Variants in AKAP6 observed in about 807,000 individuals in gnomAD.
The protein encoded by AKAP6 is A-kinase anchoring protein 6.
Under a neutral mutation model 188.5 loss-of-function variants are expected in AKAP6, and 58 were observed. The ratio of observed to expected loss-of-function variants is 0.31; its 90% confidence interval spans 0.25 to 0.38. AKAP6 has a LOEUF of 0.38. Ranked by LOEUF, AKAP6 falls within the 10% of genes least tolerant of loss-of-function variation. AKAP6 has a pLI of 1.00. For missense variants in AKAP6, 2,710 were observed against 2,740.0 expected (o/e 0.99, Z 0.24); for synonymous variants, 989 against 998.6 (o/e 0.99, Z 0.18).
At chr14:32,370,317 T>C (rs1012704905) in intron 1 of AKAP6, among the ~76,000 whole-genome samples, 1 of 152,240 alleles carries the variant, frequency 6.6e-6, no homozygotes, top group African/African-American at 2.4e-5. Flanking sequence ...GCTTTCTTGG[T>C]CCTTAGCCAC....
chr14:32,733,138 T>C (rs2031260576), intron 10 of AKAP6: 1 of 155,290 alleles, frequency 6.4e-6, no homozygotes, highest in African/African-American at 2.4e-5. Flanking sequence ...CAGCTCACTT[T>C]TAACAAAAGC....
chr14:32,612,969 G>T (rs78712041), intron 7 of AKAP6, among the ~76,000 whole-genome samples: 256 of 152,250 alleles, frequency 1.7e-3, no homozygotes, highest in Admixed American at 3.1e-3. Context: ...TATTTGAATC[G>T]CTATCAAAGT....
intron 7 of AKAP6, 136 bp from the exon 8 acceptor site, chr14:32,678,175 C>A: frequency 1.2e-6 from 1 of 839,686 alleles, no homozygotes; most frequent in Non-Finnish European, 1.8e-6. Flanking sequence ...ATATGCCCAA[C>A]TGATCCCATT....
intron 7 of AKAP6, among the ~76,000 whole-genome samples, chr14:32,646,974 T>C (rs1422876951): frequency 1.3e-5 from 2 of 152,136 alleles, no homozygotes; most frequent in Non-Finnish European, 2.9e-5. Flanking sequence ...TTAAAGTTCA[T>C]AGGAAAGGCA....
intron 2 of AKAP6, among the ~76,000 whole-genome samples, chr14:32,504,279 G>A (rs1416439861): frequency 6.6e-6 from 1 of 151,810 alleles, no homozygotes; most frequent in Admixed American, 6.6e-5. Flanking sequence ...TTTTTTTGTT[G>A]TTTGTTTTGT....
rs1425734763 is a variant in AKAP6 at position 32,823,009 on chromosome 14, C to A, written c.5196C>A (p.Val1732=). 1 of 1,613,726 alleles carries A rather than the reference C, an allele frequency of 6.2e-7. No individual in the cohort carries two copies. Among genetic ancestry groups the A allele is most frequent in the African/African-American group, 1.3e-5 (1 of 74,876 alleles). ...LTRSVADESD[V]NVSMIVNVSC... ...GTTCAGTGGCTGATGAAAGCGATGT[C>A]AATGTCAGCATGATTGTTAATGTCT... The change falls in exon 13 of 14, where the codon GTC becomes GTA. Residue 1732 remains valine, a synonymous_variant. Transcript: ENST00000280979.
chr14:32,686,764 C>T (rs1889942479), intron 8 of AKAP6, among the ~76,000 whole-genome samples: 1 of 152,082 alleles, frequency 6.6e-6, no homozygotes, highest in South Asian at 2.1e-4. Flanking sequence ...TGATTTCTGA[C>T]TCTGCTTCCT....
chr14:32,617,343 C>A (rs1886622081), intron 7 of AKAP6, among the ~76,000 whole-genome samples: 1 of 109,554 alleles, frequency 9.1e-6, no homozygotes, highest in Admixed American at 9.0e-5. Context: ...TGTCTGCCAC[C>A]CAGTAGCCAT....
chr14:32,753,106 A>AT (rs1285389635), intron 11 of AKAP6, among the ~76,000 whole-genome samples: 2 of 152,046 alleles, frequency 1.3e-5, no homozygotes, highest in Non-Finnish European at 2.9e-5. Context: ...TCTGCTTTTA[A>AT]TTTTTTTAGG....
chr14:32,593,162 T>A (rs533779958), intron 5 of AKAP6, among the ~76,000 whole-genome samples: 1 of 151,774 alleles, frequency 6.6e-6, no homozygotes, highest in East Asian at 1.9e-4. Flanking sequence ...ATGCAACAAA[T>A]AAGAAATAAG....
At position 32,414,008 on chromosome 14, in the gene AKAP6, T is replaced by C. The variant is rs1292425225; in HGVS notation, c.-34-19452T>C. The stretch of plus-strand genomic sequence containing the variant: ...AATGTTGAAAGGGACATAAGCTTAT[T>C]AAAAACAGAATGGGAGATTGAGTTG... On this transcript the variant is annotated intron_variant, in intron 1 of 13. Coordinates refer to ENST00000280979, the MANE Select transcript of AKAP6 (RefSeq NM_004274.5). 5.9e-5 allele frequency among the ~76,000 whole-genome samples: 9 copies of C among 151,488 alleles called. No homozygotes were observed. In the Admixed American group the frequency reaches 5.9e-4, roughly 10 times the overall value.
chr14:32,435,548 G>A (rs925654188), intron 2 of AKAP6, among the ~76,000 whole-genome samples: 2 of 152,114 alleles, frequency 1.3e-5, no homozygotes, highest in African/African-American at 4.8e-5. Context: ...TTCTTACCTT[G>A]GTCAAAAGGT....
intron 2 of AKAP6, among the ~76,000 whole-genome samples, chr14:32,517,429 G>T (rs1459937501): frequency 6.6e-6 from 1 of 152,212 alleles, no homozygotes; most frequent in African/African-American, 2.4e-5. Context: ...TCTCACTGAG[G>T]ATTGTTGGAC....
chr14:32,569,500 A>C (rs1884369176), intron 4 of AKAP6, among the ~76,000 whole-genome samples: 1 of 152,186 alleles, frequency 6.6e-6, no homozygotes, highest in Non-Finnish European at 1.5e-5. Flanking sequence ...CACAGCTTTT[A>C]ACTCTCTAGC....
chr14:32,597,049 C>T (rs933500606), intron 5 of AKAP6, among the ~76,000 whole-genome samples: 15 of 152,132 alleles, frequency 9.9e-5, no homozygotes, highest in Admixed American at 2.0e-4. Flanking sequence ...TCTACAGCAT[C>T]GAGCTTATCA....
rs943147824 is a variant in AKAP6 at position 32,686,569 on chromosome 14, C to T, written c.2879+8110C>T. 2.0e-4 allele frequency among the ~76,000 whole-genome samples: 31 copies of T among 151,886 alleles called. No homozygotes were observed. The East Asian group carries it at 3.5e-3, about 17-fold the overall frequency. On this transcript the variant is annotated intron_variant, in intron 8 of 13. Coordinates refer to ENST00000280979, the MANE Select transcript of AKAP6 (RefSeq NM_004274.5). ...CTCATGTACTCCATAAATATATATACGTACTATGTACCCACAAAAATTAAA... is the reference window on the plus strand; with the variant it reads ...CTCATGTACTCCATAAATATATATATGTACTATGTACCCACAAAAATTAAA...
chr14:32,650,938 A>T (rs1410728738), intron 7 of AKAP6, among the ~76,000 whole-genome samples: 3 of 152,186 alleles, frequency 2.0e-5, no homozygotes, highest in African/African-American at 7.2e-5. Context: ...ACCAAAGAGG[A>T]TTGTAAAGTT....
intron 12 of AKAP6, among the ~76,000 whole-genome samples, chr14:32,789,532 C>T (rs1413962095): frequency 2.6e-5 from 4 of 152,180 alleles, no homozygotes; most frequent in Admixed American, 2.6e-4. Flanking sequence ...AGCTGGCTGC[C>T]ATCTTTGCTG....
chr14:32,756,879 T>C, intron 11 of AKAP6, among the ~76,000 whole-genome samples: 1 of 152,090 alleles, frequency 6.6e-6, no homozygotes, highest in East Asian at 1.9e-4. Context: ...TCCTGGTGTC[T>C]GAAGTTGCAC....
Sources: allele counts gnomAD v4.1 joint callset (sites outside exome capture counted in the v4.1 genomes callset), GRCh38; gene constraint gnomAD v4.1.1; transcripts MANE v1.5; gene names NCBI Gene and HGNC (gene_info 2026-07-23, HGNC 2026-07-21).